The following KCNK10 variants were observed in gnomAD, a reference collection of about 807,000 sequenced individuals.
KCNK10 encodes the protein potassium channel subfamily K member 10.
A neutral mutation model predicts 47.7 loss-of-function variants in KCNK10; 25 were observed. That is an observed-to-expected ratio of 0.52 (90% CI 0.38 to 0.73). KCNK10 has a LOEUF of 0.73. Among genes scored for constraint, KCNK10 ranks in the 30% least tolerant of loss-of-function variants. The probability of loss-of-function intolerance (pLI) is 0.00; values close to 1 mark genes in which losing one functional copy is unlikely to be tolerated. For synonymous variants in KCNK10, 303 were observed against 285.6 expected (o/e 1.06, Z -0.61); for missense variants, 563 against 714.5 (o/e 0.79, Z 2.42).
intron 2 of KCNK10, among the ~76,000 whole-genome samples, chr14:88,253,281 A>G (rs1886850624): frequency 6.6e-6 from 1 of 152,214 alleles, no homozygotes; most frequent in Non-Finnish European, 1.5e-5. Flanking sequence ...AGATAACAGG[A>G]ATAAATTCTA....
intron 1 of KCNK10, among the ~76,000 whole-genome samples, chr14:88,290,704 G>A (rs1415713895): frequency 6.6e-6 from 1 of 152,218 alleles, no homozygotes; most frequent in Non-Finnish European, 1.5e-5. Flanking sequence ...TATGTGCAAA[G>A]ATGAAAATTT....
intron 1 of KCNK10, among the ~76,000 whole-genome samples, chr14:88,307,366 C>T (rs1373152628): frequency 7.4e-6 from 1 of 134,772 alleles, no homozygotes; most frequent in Non-Finnish European, 1.7e-5. Flanking sequence ...CAAATATCTA[C>T]CTGTTGTATG....
intron 2 of KCNK10, among the ~76,000 whole-genome samples, chr14:88,253,276 A>C (rs983778597): frequency 5.3e-5 from 8 of 152,208 alleles, no homozygotes. Flanking sequence ...CAGCAAGATA[A>C]CAGGAATAAA....
intron 1 of KCNK10, among the ~76,000 whole-genome samples, chr14:88,281,437 G>A (rs115017674): frequency 0.012 from 1,893 of 152,218 alleles, 40 homozygotes; most frequent in African/African-American, 0.043. Context: ...TTTCTCCCAC[G>A]ACATAGGTGG....
chr14:88,209,562 G>A (rs941707332), intron 4 of KCNK10, among the ~76,000 whole-genome samples: 6 of 152,162 alleles, frequency 3.9e-5, no homozygotes, highest in Admixed American at 6.5e-5. Context: ...GCTGCATCGC[G>A]GCCAGTGCAT....
intron 1 of KCNK10, among the ~76,000 whole-genome samples, chr14:88,310,193 C>G (rs28709730): frequency 0.12 from 3,134 of 26,360 alleles, 272 homozygotes; most frequent in African/African-American, 0.22. Context: ...TATACCATAT[C>G]ATATGGTATA....
At position 88,185,715 on chromosome 14, in the gene KCNK10, G is replaced by T. The variant is rs1188704366; in HGVS notation, c.1452C>A (p.Tyr484Ter). 1.2e-6 allele frequency: 2 copies of T among 1,614,162 alleles called. No individual in the cohort carries two copies. ...VQKIYKTFRN[Y>*]SLDEEKKEEE... is the part of the protein sequence containing the mutation. ...CCTCTTTCTTCTCCTCGTCCAGGGA[G>T]TAATTCCGGAAGGTCTTGTAGATTT... Residue 484 changes from tyrosine (Y) to a stop codon, truncating the protein, a stop_gained, in exon 7 of 7, where the codon TAC (tyrosine) becomes TAA (stop). Transcript: ENST00000319231. LOFTEE classifies it high-confidence loss of function. This position sits in a 1 kb window ranked among gnomAD's most constrained non-coding sequence, Gnocchi z 4.3.
At chr14:88,219,378 C>A (rs771805800) in intron 4 of KCNK10, among the ~76,000 whole-genome samples, 1 of 152,222 alleles carries the variant, frequency 6.6e-6, no homozygotes, top group African/African-American at 2.4e-5. Flanking sequence ...TGAGGGACAA[C>A]GCTCTGAAGA....
At chr14:88,264,722 T>G (rs1199863034) in intron 1 of KCNK10, among the ~76,000 whole-genome samples, 1 of 152,214 alleles carries the variant, frequency 6.6e-6, no homozygotes, top group African/African-American at 2.4e-5. Context: ...TCCAATCCAA[T>G]AAAATCACTC....
chr14:88,191,703 C>T (rs1407010302), intron 5 of KCNK10, among the ~76,000 whole-genome samples: 2 of 152,128 alleles, frequency 1.3e-5, no homozygotes, highest in Non-Finnish European at 2.9e-5. Flanking sequence ...AGCTTATATT[C>T]CCTCTGGGCA....
intron 4 of KCNK10, among the ~76,000 whole-genome samples, chr14:88,208,297 T>G (rs1489801105): frequency 6.6e-6 from 1 of 152,090 alleles, no homozygotes; most frequent in Non-Finnish European, 1.5e-5. Context: ...CAGGGGACAA[T>G]ACCATCAACT....
chr14:88,182,412 A>G lies in KCNK10; in HGVS notation c.*3123T>C, dbSNP rs974698133. On this transcript the variant is annotated 3_prime_UTR_variant, in exon 7 of 7. Coordinates refer to ENST00000319231, the MANE Select transcript of KCNK10 (RefSeq NM_138317.3). ...CTTTGACCTATCACGTGTATTCTACATGCCATTTGGCCCCATCTAAAAAAG... is the reference window on the plus strand; with the variant it reads ...CTTTGACCTATCACGTGTATTCTACGTGCCATTTGGCCCCATCTAAAAAAG... The G allele has an allele frequency of 2.0e-5, 3 of 152,350 alleles. No homozygotes were observed. The highest frequency in any genetic ancestry group is 7.2e-5 in the African/African-American group (3 of 41,450). The allele number at this position is 152,350 out of a possible 1,614,324, so 9.4% of individuals were successfully genotyped here.
At chr14:88,316,533 G>C (rs1888434584) in intron 1 of KCNK10, among the ~76,000 whole-genome samples, 3 of 152,290 alleles carry the variant, frequency 2.0e-5, no homozygotes, top group South Asian at 4.1e-4. Context: ...TCACCCAGGT[G>C]GGTGGAACCA....
chr14:88,311,107 G>T (rs1888319829), intron 1 of KCNK10, among the ~76,000 whole-genome samples: 1 of 152,064 alleles, frequency 6.6e-6, no homozygotes, highest in African/African-American at 2.4e-5. Flanking sequence ...AAGATGTCAA[G>T]AAAAGCTTTT....
chr14:88,258,938 T>C (rs1396299414), intron 2 of KCNK10, among the ~76,000 whole-genome samples: 1 of 152,166 alleles, frequency 6.6e-6, no homozygotes, highest in Non-Finnish European at 1.5e-5. Context: ...GAAGCACACA[T>C]TCCAGCTTGG....
intron 4 of KCNK10, among the ~76,000 whole-genome samples, chr14:88,221,741 C>G (rs191328126): frequency 8.3e-4 from 127 of 152,306 alleles, no homozygotes; most frequent in African/African-American, 3.0e-3. Context: ...AACCAAAAAA[C>G]CTGTGCACAG....
chr14:88,311,780 G>A (rs1363850574), intron 1 of KCNK10, among the ~76,000 whole-genome samples: 2 of 151,976 alleles, frequency 1.3e-5, no homozygotes, highest in East Asian at 3.9e-4. Flanking sequence ...TGTTGAGTTA[G>A]TAGGAAGTTA....
At chr14:88,216,154 G>C (rs781019586) in intron 4 of KCNK10, among the ~76,000 whole-genome samples, 1 of 152,060 alleles carries the variant, frequency 6.6e-6, no homozygotes, top group Non-Finnish European at 1.5e-5. Flanking sequence ...TCTCATTCCC[G>C]GAGTATAAAA....
intron 4 of KCNK10, among the ~76,000 whole-genome samples, chr14:88,195,720 G>C (rs1009691148): frequency 1.7e-4 from 26 of 152,070 alleles, no homozygotes; most frequent in African/African-American, 5.6e-4. Flanking sequence ...CCCAGGCTCA[G>C]CCACCTCCCC....
Sources: gnomAD v4.1 joint callset for allele counts (sites outside exome capture counted in the v4.1 genomes callset) on GRCh38, gnomAD v4.1.1 for gene constraint, Gnocchi (gnomAD v3.1) non-coding constraint, MANE v1.5 for transcripts, NCBI Gene and HGNC (gene_info 2026-07-23, HGNC 2026-07-21) for gene names.